The following ANKS1B variants were observed in gnomAD, a reference collection of about 807,000 sequenced individuals.
The protein encoded by ANKS1B is ankyrin repeat and sterile alpha motif domain-containing protein 1B.
Under a neutral mutation model 148.3 loss-of-function variants are expected in ANKS1B, and 36 were observed. The ratio of observed to expected loss-of-function variants is 0.24; its 90% CI spans 0.19 to 0.32. The LOEUF (loss-of-function observed/expected upper bound fraction) is 0.32, where lower values mean the gene tolerates loss of function less well. Ranked by LOEUF, ANKS1B falls within the 10% of genes least tolerant of loss-of-function variation. The pLI is 1.00. For missense variants in ANKS1B, 1,157 were observed against 1,542.6 expected (o/e 0.75, Z 4.19); for synonymous variants, 542 against 560.8 (o/e 0.97, Z 0.47).
intron 12 of ANKS1B, chr12:99,343,838 G>C (rs561725109): frequency 6.6e-6 from 1 of 152,132 alleles, no homozygotes; most frequent in East Asian, 1.9e-4. Flanking sequence ...AACTGTCACA[G>C]TGACCTTTTA....
intron 8 of ANKS1B, among the ~76,000 whole-genome samples, chr12:99,682,906 G>A (rs368930354): frequency 3.3e-5 from 5 of 152,102 alleles, no homozygotes; most frequent in East Asian, 1.9e-4. Context: ...AGACATACCC[G>A]AGAATGGGTA....
intron 8 of ANKS1B, among the ~76,000 whole-genome samples, chr12:99,725,576 G>A (rs1203766826): frequency 6.6e-6 from 1 of 152,120 alleles, no homozygotes; most frequent in Non-Finnish European, 1.5e-5. Flanking sequence ...ACACCCTACT[G>A]TCAATATTGG....
At chr12:99,255,572 T>C (rs1323583833) in intron 12 of ANKS1B, among the ~76,000 whole-genome samples, 2 of 152,142 alleles carry the variant, frequency 1.3e-5, no homozygotes, top group Admixed American at 1.3e-4. Context: ...CTCATTAGTC[T>C]TCAGCGTTTC....
intron 15 of ANKS1B, among the ~76,000 whole-genome samples, chr12:99,136,640 T>G (rs755248442): frequency 2.6e-5 from 4 of 152,158 alleles, no homozygotes; most frequent in Non-Finnish European, 4.4e-5. Flanking sequence ...CTAAAGTTGA[T>G]AAAGCCAAAA....
At chr12:98,800,217 GAAAAAAA>G (rs770133422) in intron 21 of ANKS1B, among the ~76,000 whole-genome samples, 1 of 39,180 alleles carries the variant, frequency 2.6e-5, no homozygotes, top group Non-Finnish European at 5.7e-5. Flanking sequence ...AGCAGAAAAT[GAAAAAAA>G]AAAAAAAAAA....
At chr12:99,951,713 GA>G (rs34999951) in intron 1 of ANKS1B, among the ~76,000 whole-genome samples, 88,665 of 143,954 alleles carry the variant, frequency 0.62, 27,960 homozygotes, top group African/African-American at 0.73. Context: ...TGCCTCTACC[GA>G]AAAAAAAAAA....
At chr12:99,231,558 G>T (rs1356225151) in intron 14 of ANKS1B, among the ~76,000 whole-genome samples, 1 of 152,072 alleles carries the variant, frequency 6.6e-6, no homozygotes, top group Non-Finnish European at 1.5e-5. Flanking sequence ...AATGTTGACA[G>T]TAGTAAACTG....
chr12:99,569,956 C>A (rs1327985342), intron 9 of ANKS1B, among the ~76,000 whole-genome samples: 1 of 152,162 alleles, frequency 6.6e-6, no homozygotes, highest in African/African-American at 2.4e-5. Context: ...CACTATCCAG[C>A]AACAATGTTG....
At chr12:99,394,365 CT>C (rs2094174352) in intron 12 of ANKS1B, among the ~76,000 whole-genome samples, 1 of 152,104 alleles carries the variant, frequency 6.6e-6, no homozygotes. Flanking sequence ...TCATCATCCC[CT>C]CTTTCTCCTC....
chr12:99,153,626 C>T (rs2075519260), intron 15 of ANKS1B, among the ~76,000 whole-genome samples: 2 of 152,184 alleles, frequency 1.3e-5, no homozygotes, highest in South Asian at 4.1e-4. Context: ...TTCAGAAGTA[C>T]ATGACTATAC....
At chr12:98,812,634 T>G (rs954241333) in intron 19 of ANKS1B, among the ~76,000 whole-genome samples, 4 of 152,118 alleles carry the variant, frequency 2.6e-5, no homozygotes, top group African/African-American at 9.7e-5. Flanking sequence ...AGTGCAGGGG[T>G]GCGATCTCGG....
chr12:99,346,438 T>C (rs1056097484), intron 12 of ANKS1B, among the ~76,000 whole-genome samples: 22 of 149,322 alleles, frequency 1.5e-4, no homozygotes, highest in African/African-American at 4.9e-4. Flanking sequence ...ACCACACACA[T>C]AAAATCATAA....
At chr12:99,025,861 C>T (rs2099948446) in intron 17 of ANKS1B, among the ~76,000 whole-genome samples, 1 of 152,170 alleles carries the variant, frequency 6.6e-6, no homozygotes. Flanking sequence ...TTCTCAGTGT[C>T]AATAAGGTGG....
chr12:98,841,766 A>T (rs2099407660), intron 17 of ANKS1B, among the ~76,000 whole-genome samples: 2 of 152,090 alleles, frequency 1.3e-5, no homozygotes, highest in Non-Finnish European at 2.9e-5. Flanking sequence ...AAAAAGGGGT[A>T]ACAACAGTGA....
intron 12 of ANKS1B, among the ~76,000 whole-genome samples, chr12:99,393,062 T>C (rs1009113192): frequency 1.3e-5 from 2 of 151,858 alleles, no homozygotes; most frequent in Admixed American, 6.6e-5. Context: ...CAAATATATA[T>C]GTAGATAGAT....
At chr12:98,954,980 G>T (rs935919708) in intron 17 of ANKS1B, among the ~76,000 whole-genome samples, 24 of 131,156 alleles carry the variant, frequency 1.8e-4, no homozygotes, top group Admixed American at 1.6e-3. Context: ...TTAAGTGTTT[G>T]TTGAGTGATT....
intron 17 of ANKS1B, among the ~76,000 whole-genome samples, chr12:99,052,659 C>T (rs1460436960): frequency 8.2e-6 from 1 of 122,632 alleles, no homozygotes. Context: ...ACCCGGGAAG[C>T]GGAGCTTGCA....
intron 10 of ANKS1B, among the ~76,000 whole-genome samples, chr12:99,454,115 T>C (rs906567713): frequency 6.6e-5 from 10 of 152,194 alleles, no homozygotes; most frequent in Admixed American, 5.9e-4. Context: ...TCAGCTTGGC[T>C]GAAGCACAGG....
chr12:99,916,629 C>T (rs2094180240), intron 1 of ANKS1B, among the ~76,000 whole-genome samples: 1 of 152,206 alleles, frequency 6.6e-6, no homozygotes, highest in Non-Finnish European at 1.5e-5. Context: ...ATCACTTCTG[C>T]TCTGTCCCTG....
Sources: gnomAD v4.1 joint callset for allele counts (sites outside exome capture counted in the v4.1 genomes callset) on GRCh38, gnomAD v4.1.1 for gene constraint, MANE v1.5 for transcripts, NCBI Gene and HGNC (gene_info 2026-07-23, HGNC 2026-07-21) for gene names.